Variants in LARP1 observed in about 807,000 individuals in gnomAD.
LARP1 encodes the protein la-related protein 1.
In LARP1, 36 loss-of-function variants were observed where a neutral mutation model predicts 122.7. That is an observed-to-expected ratio of 0.29 (90% CI 0.22 to 0.39). The LOEUF is 0.39. LARP1 is among the 10% of genes least tolerant of loss of function. The pLI, the probability that LARP1 is intolerant of heterozygous loss-of-function variation, is 1.00. For missense variants in LARP1, 1,040 were observed against 1,403.6 expected, an observed-to-expected ratio of 0.74 and a Z score of 4.14; for synonymous variants, 539 against 528.7, an observed-to-expected ratio of 1.02 and a Z score of -0.27.
At chr5:154,771,495 A>G (rs1446608863) in intron 1 of LARP1, among the ~76,000 whole-genome samples, 1 of 152,222 alleles carries the variant, frequency 6.6e-6, no homozygotes, top group Non-Finnish European at 1.5e-5. Context: ...AGCCCATGGC[A>G]GACTGACTCC....
intron 1 of LARP1, among the ~76,000 whole-genome samples, chr5:154,717,376 C>G (rs1755575889): frequency 6.6e-6 from 1 of 152,208 alleles, no homozygotes; most frequent in Admixed American, 6.5e-5. Context: ...TAGCTGGGCC[C>G]TGGTCCTAGT....
chr5:154,721,460 C>T (rs2113350508), intron 1 of LARP1, among the ~76,000 whole-genome samples: 1 of 152,034 alleles, frequency 6.6e-6, no homozygotes, highest in Admixed American at 6.6e-5. Flanking sequence ...AAAGCCGAGG[C>T]TGAAAGAAGT....
chr5:154,733,710 C>T (rs1756717493), intron 1 of LARP1, among the ~76,000 whole-genome samples: 1 of 151,876 alleles, frequency 6.6e-6, no homozygotes, highest in Non-Finnish European at 1.5e-5. Flanking sequence ...TTACAGGTGC[C>T]TGCCACAATG....
intron 1 of LARP1, among the ~76,000 whole-genome samples, chr5:154,713,515 G>A (rs1029262268): frequency 1.3e-5 from 2 of 152,220 alleles, no homozygotes; most frequent in African/African-American, 4.8e-5. Flanking sequence ...GCCAAAAGCA[G>A]TGTAGTATTT....
rs913133362 is a variant in LARP1, at chr5:154,806,284, A to C, written c.2698+252A>C. Among the ~76,000 whole-genome samples, 19 of 152,198 alleles carry C rather than the reference A, an allele frequency of 1.2e-4. 1 individual carries two copies. The highest frequency in any genetic ancestry group is 4.3e-4 in the African/African-American group (18 of 41,452). ...CCTCTATTGATTATTAAAGCTGTCA[A>C]TTAAGTATTTCCATATCTCTGGCAA... On this transcript the variant is annotated intron_variant, in intron 15 of 18. Transcript: ENST00000518297.
At chr5:154,808,701 A>T in intron 16 of LARP1, 98 bp downstream of exon 16, 1 of 1,261,706 alleles carries the variant, frequency 7.9e-7, no homozygotes, top group Non-Finnish European at 1.1e-6. Context: ...AATTCCTTGC[A>T]TGTGTATGTT....
intron 1 of LARP1, among the ~76,000 whole-genome samples, chr5:154,775,273 C>T (rs1174072747): frequency 6.6e-6 from 1 of 152,100 alleles, no homozygotes; most frequent in Non-Finnish European, 1.5e-5. Context: ...GCACTCCAGC[C>T]TGGGTAACAG....
chr5:154,767,612 TAGAATGTC>T (rs1755060444), intron 1 of LARP1, among the ~76,000 whole-genome samples: 1 of 152,218 alleles, frequency 6.6e-6, no homozygotes, highest in Non-Finnish European at 1.5e-5. Context: ...GCCCTAGTGT[TAGAATGTC>T]AGAGATGAGT....
At chr5:154,793,200 G>A (rs780193273) in intron 4 of LARP1, among the ~76,000 whole-genome samples, 1 of 152,186 alleles carries the variant, frequency 6.6e-6, no homozygotes, top group Non-Finnish European at 1.5e-5. Flanking sequence ...AGGAAAGGAA[G>A]AGGGAAGGGT....
chr5:154,714,332 C>A (rs373909143), intron 1 of LARP1, among the ~76,000 whole-genome samples: 1 of 152,108 alleles, frequency 6.6e-6, no homozygotes, highest in African/African-American at 2.4e-5. Context: ...ATGATGGAAT[C>A]GTGGCTGCTT....
At chr5:154,806,178 A>G in intron 15 of LARP1, 146 bp downstream of exon 15, 1 of 862,166 alleles carries the variant, frequency 1.2e-6, no homozygotes, top group East Asian at 2.7e-5. Flanking sequence ...GAAAGACTGA[A>G]GTTAGACTCG....
At chr5:154,801,288 T>C (rs1029306224) in intron 10 of LARP1, among the ~76,000 whole-genome samples, 2 of 152,224 alleles carry the variant, frequency 1.3e-5, no homozygotes, top group Non-Finnish European at 2.9e-5. Flanking sequence ...GGCTTACTTA[T>C]GTTCATCCTG....
chr5:154,779,745 T>G (rs939408279), intron 1 of LARP1, among the ~76,000 whole-genome samples: 18 of 151,994 alleles, frequency 1.2e-4, no homozygotes, highest in Non-Finnish European at 2.6e-4. Flanking sequence ...TGACCTCAGG[T>G]GATCCGCCTG....
chr5:154,716,055 T>G (rs1209846439), intron 1 of LARP1, among the ~76,000 whole-genome samples: 5 of 152,120 alleles, frequency 3.3e-5, no homozygotes, highest in Admixed American at 3.3e-4. Context: ...CCACCAGAAG[T>G]TACAAATCAG....
At chr5:154,809,448 C>T (rs1485707075) in intron 16 of LARP1, among the ~76,000 whole-genome samples, 1 of 140,830 alleles carries the variant, frequency 7.1e-6, no homozygotes, top group Non-Finnish European at 1.5e-5. Flanking sequence ...ATTCCAGAGA[C>T]AGCAAGTGTT....
chr5:154,780,853 G>A (rs1490657848), intron 1 of LARP1, among the ~76,000 whole-genome samples: 3 of 152,172 alleles, frequency 2.0e-5, no homozygotes, highest in Non-Finnish European at 4.4e-5. Flanking sequence ...CTTGAGGTCA[G>A]GAGTTCAAGA....
chr5:154,795,034 A>G lies in LARP1; in HGVS notation c.1233-141A>G, dbSNP rs191529811. ...TCACATCATTTCTTTTCAGCCCTCA[A>G]CACTGTTGGTATATAGGATAAGGAT... On this transcript the variant is annotated intron_variant, in intron 7 of 18. Transcript: ENST00000518297. 163 of 773,552 alleles carry G rather than the reference A, an allele frequency of 2.1e-4. No individual in the cohort carries two copies. The African/African-American group carries it at 2.4e-3, about 12-fold the overall frequency. 47.9% of individuals were successfully genotyped at this position (773,552 alleles called of 1,614,324 possible).
At chr5:154,694,661 T>C (rs879233970) in intron 1 of LARP1, among the ~76,000 whole-genome samples, 1 of 152,180 alleles carries the variant, frequency 6.6e-6, no homozygotes, top group Admixed American at 6.5e-5. Flanking sequence ...TGTATTGTTA[T>C]GGAAGAGAAT....
intron 1 of LARP1, among the ~76,000 whole-genome samples, chr5:154,758,924 TG>T (rs1460657993): frequency 6.6e-6 from 1 of 152,248 alleles, no homozygotes; most frequent in Non-Finnish European, 1.5e-5. Context: ...ATTTGCATTT[TG>T]GTTTTTTAGA....
Sources: gnomAD v4.1 joint callset for allele counts (sites outside exome capture counted in the v4.1 genomes callset) on GRCh38, gnomAD v4.1.1 for gene constraint, MANE v1.5 for transcripts, NCBI Gene and HGNC (gene_info 2026-07-23, HGNC 2026-07-21) for gene names.